Variants in MAGI2 observed in about 807,000 individuals in gnomAD.
The protein encoded by MAGI2 is membrane associated guanylate kinase, WW and PDZ domain containing 2, also known as membrane-associated guanylate kinase, WW and PDZ domain-containing protein 2.
MAGI2 carries 35 observed loss-of-function variants against 133.3 expected under a neutral mutation model. The ratio of observed to expected loss-of-function variants is 0.26; its 90% CI spans 0.20 to 0.35. The LOEUF (loss-of-function observed/expected upper bound fraction) is 0.35, where lower values mean the gene tolerates loss of function less well. Ranked by LOEUF, MAGI2 falls within the 10% of genes least tolerant of loss-of-function variation. The probability of loss-of-function intolerance (pLI) is 1.00; values close to 1 mark genes in which losing one functional copy is unlikely to be tolerated. For synonymous variants in MAGI2, 729 were observed against 710.6 expected (o/e 1.03, Z -0.41); for missense variants, 1,636 against 1,863.4 (o/e 0.88, Z 2.25).
At position 78,019,825 on chromosome 7, in the gene MAGI2, C is replaced by G; in HGVS notation, c.3858G>C (p.Trp1286Cys). ...PSHQISPGPT[W>C]DIKREHDVRK... ...TAACGTCGTGTTCCCGTTTGATATC[C>G]CAAGTTGGGCCTGGGCTTATCTGGT... The change falls in exon 22 of 22, where the codon TGG becomes TGC. Residue 1286 changes from tryptophan to cysteine, a missense_variant. This residue lies in a region of MAGI2 where 354 missense variants were observed against 298.7 expected (regional missense o/e 1.19). Coordinates refer to ENST00000354212, the MANE Select transcript of MAGI2 (RefSeq NM_012301.4). 6.2e-7 allele frequency: 1 copy of G among 1,613,466 alleles called. No individual in the cohort carries two copies. The highest frequency in any genetic ancestry group is 8.5e-7 in the Non-Finnish European group (1 of 1,179,900).
At chr7:79,078,605 T>G (rs1815758428) in intron 1 of MAGI2, among the ~76,000 whole-genome samples, 1 of 152,224 alleles carries the variant, frequency 6.6e-6, no homozygotes, top group Admixed American at 6.5e-5. Flanking sequence ...TTTCCTTAGT[T>G]ACCTGACATT....
intron 1 of MAGI2, among the ~76,000 whole-genome samples, chr7:79,143,220 T>G (rs1216839769): frequency 6.6e-6 from 1 of 152,188 alleles, no homozygotes; most frequent in Non-Finnish European, 1.5e-5. Flanking sequence ...ATAATTTTGG[T>G]TTTGACTTAG....
chr7:79,036,817 G>T (rs1341571593), intron 1 of MAGI2, among the ~76,000 whole-genome samples: 1 of 152,200 alleles, frequency 6.6e-6, no homozygotes, highest in East Asian at 1.9e-4. Flanking sequence ...ATAACCGCCA[G>T]AGGTAAATTT....
At chr7:78,511,932 A>G (rs1266435872) in intron 4 of MAGI2, among the ~76,000 whole-genome samples, 1 of 104,274 alleles carries the variant, frequency 9.6e-6, no homozygotes, top group East Asian at 2.2e-4. Context: ...CGTCTCTACT[A>G]AAAAAAAAAC....
chr7:78,108,634 C>T (rs1399586817), intron 20 of MAGI2, among the ~76,000 whole-genome samples: 1 of 106,846 alleles, frequency 9.4e-6, no homozygotes, highest in Non-Finnish European at 2.0e-5. Context: ...CTCTCTCTCT[C>T]TCTCTGTATG....
At chr7:79,125,743 T>C in intron 1 of MAGI2, 1 of 518,966 alleles carries the variant, frequency 1.9e-6, no homozygotes, top group Non-Finnish European at 3.8e-6. Flanking sequence ...GGCCAATACT[T>C]TGCCAAGCCA....
intron 21 of MAGI2, among the ~76,000 whole-genome samples, chr7:78,062,202 C>T (rs1813352838): frequency 6.6e-6 from 1 of 152,208 alleles, no homozygotes; most frequent in Admixed American, 6.5e-5. Flanking sequence ...AAAGCAGAAA[C>T]AACAGGGCCT....
At chr7:78,525,315 C>A (rs1052536128) in intron 3 of MAGI2, among the ~76,000 whole-genome samples, 9 of 152,020 alleles carry the variant, frequency 5.9e-5, no homozygotes, top group Non-Finnish European at 1.3e-4. Flanking sequence ...TACCCTAAGC[C>A]AACGTTTTTA....
chr7:78,222,457 G>A (rs184176028), intron 10 of MAGI2, among the ~76,000 whole-genome samples: 2 of 152,150 alleles, frequency 1.3e-5, no homozygotes, highest in African/African-American at 4.8e-5. Flanking sequence ...CAACAACCAC[G>A]TGAAGTAGGT....
chr7:78,381,723 A>G (rs1375794568), intron 6 of MAGI2, among the ~76,000 whole-genome samples: 1 of 152,208 alleles, frequency 6.6e-6, no homozygotes, highest in Non-Finnish European at 1.5e-5. Flanking sequence ...TTCATTATAG[A>G]AGAAATGCAA....
intron 2 of MAGI2, among the ~76,000 whole-genome samples, chr7:78,740,974 T>G (rs1822360886): frequency 6.6e-6 from 1 of 152,162 alleles, no homozygotes; most frequent in Admixed American, 6.6e-5. Flanking sequence ...ACAAGGAAGT[T>G]AGACTACTTA....
intron 2 of MAGI2, among the ~76,000 whole-genome samples, chr7:78,946,211 G>T (rs1364837213): frequency 2.0e-5 from 3 of 147,970 alleles, no homozygotes; most frequent in Non-Finnish European, 4.4e-5. Context: ...TCAGCCTTTG[G>T]TTGGTTTTCA....
intron 1 of MAGI2, among the ~76,000 whole-genome samples, chr7:79,188,228 A>T (rs1472071631): frequency 6.6e-6 from 1 of 151,742 alleles, no homozygotes; most frequent in African/African-American, 2.4e-5. Context: ...CCTAGGTATT[A>T]AGCCCAGCAT....
At chr7:79,198,204 G>A (rs1309728675) in intron 1 of MAGI2, among the ~76,000 whole-genome samples, 1 of 151,948 alleles carries the variant, frequency 6.6e-6, no homozygotes, top group Non-Finnish European at 1.5e-5. Flanking sequence ...AATGTGCCAT[G>A]ATCATGCCAC....
intron 20 of MAGI2, among the ~76,000 whole-genome samples, chr7:78,113,445 T>C (rs1448757075): frequency 6.6e-6 from 1 of 152,190 alleles, no homozygotes; most frequent in African/African-American, 2.4e-5. Flanking sequence ...CACATAATGA[T>C]GTTTTGATCA....
intron 2 of MAGI2, among the ~76,000 whole-genome samples, chr7:78,713,369 G>A (rs1012546308): frequency 6.6e-6 from 1 of 152,036 alleles, no homozygotes; most frequent in African/African-American, 2.4e-5. Context: ...TTATAGTTTT[G>A]GCATATTTGA....
chr7:78,319,813 C>T (rs1327093139), intron 9 of MAGI2, among the ~76,000 whole-genome samples: 1 of 152,068 alleles, frequency 6.6e-6, no homozygotes, highest in African/African-American at 2.4e-5. Context: ...CACAAAAAAC[C>T]CTTCAAAAAT....
At chr7:78,496,721 T>C (rs140950287) in intron 5 of MAGI2, among the ~76,000 whole-genome samples, 173 of 152,292 alleles carry the variant, frequency 1.1e-3, no homozygotes, top group Middle Eastern at 6.8e-3. Context: ...CTATGAAATG[T>C]GGATAAACCA....
intron 1 of MAGI2, among the ~76,000 whole-genome samples, chr7:79,367,627 A>G (rs1842781684): frequency 6.6e-6 from 1 of 152,000 alleles, no homozygotes; most frequent in African/African-American, 2.4e-5. Context: ...ATGGAAAATA[A>G]TATATGAGAT....
Sources: gnomAD v4.1 joint callset for allele counts (sites outside exome capture counted in the v4.1 genomes callset) on GRCh38, gnomAD v4.1.1 for gene constraint, gnomAD v4.1.1 regional missense constraint, MANE v1.5 for transcripts, NCBI Gene and HGNC (gene_info 2026-07-23, HGNC 2026-07-21) for gene names.